The following RTN4R variants were observed in gnomAD, a reference collection of about 807,000 sequenced individuals.
RTN4R encodes the protein reticulon-4 receptor.
RTN4R carries 4 observed loss-of-function variants against 27.7 expected under a neutral mutation model. The observed-to-expected ratio is 0.14, with a 90% CI of 0.07 to 0.33. The LOEUF is 0.33. Among genes scored for constraint, RTN4R ranks in the 10% least tolerant of loss-of-function variants. The pLI, the probability that RTN4R is intolerant of heterozygous loss-of-function variation, is 1.00. For synonymous variants in RTN4R, 290 were observed against 305.6 expected (o/e 0.95, Z 0.53); for missense variants, 554 against 671.5 (o/e 0.83, Z 1.93).
intron 1 of RTN4R, chr22:20,267,620 G>C (rs782386757): frequency 8.5e-6 from 4 of 469,402 alleles, no homozygotes; most frequent in South Asian, 1.5e-5. Context: ...TCGGAGAAAC[G>C]GGAGGTTCTG....
At chr22:20,258,457 C>A (rs912276795) in intron 1 of RTN4R, among the ~76,000 whole-genome samples, 2 of 152,220 alleles carry the variant, frequency 1.3e-5, no homozygotes, top group African/African-American at 2.4e-5. Flanking sequence ...CCCATAAGCT[C>A]CTGCCCATGG....
chr22:20,251,595 CATT>C (rs1340873463), intron 1 of RTN4R, among the ~76,000 whole-genome samples: 3 of 150,738 alleles, frequency 2.0e-5, no homozygotes, highest in African/African-American at 7.3e-5. Flanking sequence ...CCACTATCAT[CATT>C]ACCATCCTCA....
At chr22:20,249,152 A>G in intron 1 of RTN4R, 1 of 534,396 alleles carries the variant, frequency 1.9e-6, no homozygotes, top group Non-Finnish European at 3.8e-6. Flanking sequence ...CCAAGGGCTC[A>G]TCTTGGTCCT....
In RTN4R at chr22:20,243,017, A is replaced by T; in HGVS notation, c.116T>A (p.Val39Glu). The T allele has an allele frequency of 1.2e-6, 2 of 1,607,194 alleles. No individual in the cohort carries two copies. The highest frequency in any genetic ancestry group is 1.7e-6 in the Non-Finnish European group (2 of 1,179,914). Residue 39 changes from valine (V) to glutamate (E), a missense_variant, in exon 2 of 2, where the codon GTG (valine) becomes GAG (glutamate). Physicochemically the swap from Val to Glu is moderately radical, Grantham distance 121 (BLOSUM62 -2). Coordinates refer to ENST00000043402, the MANE Select transcript of RTN4R (RefSeq NM_023004.6). ...GCCCTGCTGGGGGCAGCTTGTCGTC[A>T]CCTTGGGCTCATTGTAGCATACGCA... ...GACVCYNEPK[V>E]TTSCPQQGLQ...
At chr22:20,261,246 A>G (rs2051244881) in intron 1 of RTN4R, among the ~76,000 whole-genome samples, 1 of 152,206 alleles carries the variant, frequency 6.6e-6, no homozygotes, top group Non-Finnish European at 1.5e-5. Flanking sequence ...ACAGGTAAGA[A>G]GGGCTGAAAA....
chr22:20,258,372 C>G (rs934986367), intron 1 of RTN4R, among the ~76,000 whole-genome samples: 1 of 152,232 alleles, frequency 6.6e-6, no homozygotes, highest in African/African-American at 2.4e-5. Flanking sequence ...CCTTCCTCGT[C>G]TGCACCACTG....
rs764078501 is a variant in RTN4R at position 20,242,953 on chromosome 22, C to T, written c.180G>A (p.Gln60=). The change falls in exon 2 of 2, where the codon CAG becomes CAA. Residue 60 remains glutamine (Q), a synonymous_variant. Transcript: ENST00000043402. The part of the protein sequence containing the change: ...AVPVGIPAAS[Q]RIFLHGNRIS... Reference sequence around the variant, plus strand: ...TGCGGTTGCCGTGCAGGAAGATGCGCTGGCTGGCAGCAGGGATGCCCACGG... The same window carrying T: ...TGCGGTTGCCGTGCAGGAAGATGCGTTGGCTGGCAGCAGGGATGCCCACGG... The T allele has an allele frequency of 1.4e-4, 220 of 1,611,986 alleles. No homozygotes were observed. The highest frequency in any genetic ancestry group is 1.7e-4 in the Non-Finnish European group (197 of 1,179,560).
In RTN4R at chr22:20,267,764, C is replaced by A. The variant is rs939180263; in HGVS notation, c.22+307G>T. On this transcript the variant is annotated intron_variant, in intron 1 of 1. Transcript: ENST00000043402. ...CCGAGGCCGGGCCCCGCCCTTCCAG[C>A]CCACGGCCCCCGCCCTCGACTTGGC... 59 of 413,616 alleles carry A rather than the reference C, an allele frequency of 1.4e-4. 1 individual carries two copies. The highest frequency in any genetic ancestry group is 1.1e-3 in the South Asian group (55 of 51,926). 25.6% of individuals were successfully genotyped at this position (413,616 alleles called of 1,614,324 possible).
At chr22:20,267,662 C>T (rs1314839048) in intron 1 of RTN4R, 1 of 465,814 alleles carries the variant, frequency 2.1e-6, no homozygotes, top group Non-Finnish European at 4.4e-6. Context: ...GTGGAGGCGG[C>T]CCGACACCCC....
chr22:20,266,026 C>T (rs923170034), intron 1 of RTN4R, among the ~76,000 whole-genome samples: 3 of 152,248 alleles, frequency 2.0e-5, no homozygotes, highest in South Asian at 2.1e-4. Flanking sequence ...AGGCCCTGCA[C>T]GTGCCCCTCT....
chr22:20,252,607 A>G (rs2051190729), intron 1 of RTN4R, among the ~76,000 whole-genome samples: 1 of 152,054 alleles, frequency 6.6e-6, no homozygotes, highest in South Asian at 2.1e-4. Flanking sequence ...CCCCATCTTC[A>G]TCACCACTAT....
At chr22:20,259,978 C>T (rs987445858) in intron 1 of RTN4R, among the ~76,000 whole-genome samples, 2 of 152,146 alleles carry the variant, frequency 1.3e-5, no homozygotes, top group Non-Finnish European at 2.9e-5. Flanking sequence ...TCCCCTGCAT[C>T]GGGGACTGGA....
chr22:20,266,278 G>A (rs1021325332), intron 1 of RTN4R, among the ~76,000 whole-genome samples: 2 of 152,240 alleles, frequency 1.3e-5, no homozygotes, highest in Non-Finnish European at 1.5e-5. Context: ...TGAGCCTCTG[G>A]TGGTGGCCAG....
intron 1 of RTN4R, chr22:20,267,536 A>G: frequency 2.2e-6 from 1 of 451,880 alleles, no homozygotes; most frequent in South Asian, 1.6e-5. Flanking sequence ...CCCTGGAGGC[A>G]GCGCTGGGAC....
intron 1 of RTN4R, chr22:20,267,518 A>G: frequency 4.7e-6 from 2 of 428,248 alleles, no homozygotes; most frequent in South Asian, 1.7e-5. Context: ...GCCTCCTCTC[A>G]CCGCCCGCCC....
intron 1 of RTN4R, 146 bp from the exon 2 acceptor site, chr22:20,243,256 C>T (rs1251050113): frequency 2.5e-5 from 19 of 757,822 alleles, no homozygotes; most frequent in South Asian, 1.8e-4. Context: ...CCCCGGGAAT[C>T]GCAGTGTTGG....
At chr22:20,261,313 G>A (rs1415856346) in intron 1 of RTN4R, among the ~76,000 whole-genome samples, 2 of 152,190 alleles carry the variant, frequency 1.3e-5, no homozygotes, top group African/African-American at 4.8e-5. Flanking sequence ...AGGCCCTAAG[G>A]CCCCAATCAC....
intron 1 of RTN4R, among the ~76,000 whole-genome samples, chr22:20,244,795 C>T (rs2051130393): frequency 6.6e-6 from 1 of 152,182 alleles, no homozygotes. Context: ...CCCACATGCT[C>T]ATGGGGCAGG....
At chr22:20,266,348 T>A (rs1252565038) in intron 1 of RTN4R, among the ~76,000 whole-genome samples, 1 of 152,212 alleles carries the variant, frequency 6.6e-6, no homozygotes, top group Admixed American at 6.5e-5. Context: ...GCCACAGTGC[T>A]AGTGGGCCAC....
Sources: gnomAD v4.1 joint callset for allele counts (sites outside exome capture counted in the v4.1 genomes callset) on GRCh38, gnomAD v4.1.1 for gene constraint, MANE v1.5 for transcripts, NCBI Gene and HGNC (gene_info 2026-07-23, HGNC 2026-07-21) for gene names.